Variants in NAALADL2 observed in about 807,000 individuals in gnomAD.
NAALADL2 encodes the protein N-acetylated alpha-linked acidic dipeptidase like 2.
In NAALADL2, 76 loss-of-function variants were observed where a neutral mutation model predicts 87.2. The observed-to-expected ratio is 0.87, with a 90% CI of 0.72 to 1.05. NAALADL2 has a LOEUF of 1.05. NAALADL2 is among the 50% of genes least tolerant of loss of function. The pLI is 0.00. For missense variants in NAALADL2, 1,089 were observed against 945.8 expected, an observed-to-expected ratio of 1.15 and a Z score of -1.99; for synonymous variants, 354 against 331.0, an observed-to-expected ratio of 1.07 and a Z score of -0.75.
intron 13 of NAALADL2, chr3:175,773,035 G>C (rs1012606126): frequency 7.9e-5 from 12 of 152,074 alleles, no homozygotes; most frequent in African/African-American, 2.9e-4. Flanking sequence ...CATGTATCCT[G>C]GTTAACAGGT....
chr3:175,192,153 C>T (rs750939995), intron 2 of NAALADL2, among the ~76,000 whole-genome samples: 27 of 152,004 alleles, frequency 1.8e-4, no homozygotes, highest in Non-Finnish European at 3.2e-4. Flanking sequence ...CTGGAGTGTT[C>T]CTGGAAATTG....
intron 3 of NAALADL2, among the ~76,000 whole-genome samples, chr3:174,753,226 A>G (rs892820805): frequency 2.0e-5 from 3 of 152,078 alleles, no homozygotes; most frequent in African/African-American, 7.2e-5. Context: ...GGCATGCGCC[A>G]CCATGCCTGG....
intron 3 of NAALADL2, among the ~76,000 whole-genome samples, chr3:174,844,835 GTTTTTTTTTTT>G (rs781333758): frequency 5.6e-5 from 2 of 35,458 alleles, no homozygotes; most frequent in Non-Finnish European, 5.1e-5. Context: ...AGTTCTAATG[GTTTTTTTTTTT>G]TTTTTTTTTT....
chr3:175,169,456 A>AATATAT (rs141242519), intron 2 of NAALADL2, among the ~76,000 whole-genome samples: 390 of 147,028 alleles, frequency 2.7e-3, no homozygotes, highest in African/African-American at 6.8e-3. Flanking sequence ...TAGTTGTAAG[A>AATATAT]ATATATATAT....
chr3:174,466,316 G>T (rs571116220), intron 1 of NAALADL2, among the ~76,000 whole-genome samples: 1 of 145,790 alleles, frequency 6.9e-6, no homozygotes, highest in East Asian at 2.2e-4. Flanking sequence ...CTTGATGCCA[G>T]TGTATTTTAT....
chr3:175,769,967 G>A (rs1415141982), intron 13 of NAALADL2, among the ~76,000 whole-genome samples: 2 of 140,278 alleles, frequency 1.4e-5, no homozygotes, highest in African/African-American at 6.0e-5. Flanking sequence ...TTTTTTTCTT[G>A]TTCAGGGTGC....
chr3:174,891,873 C>G (rs1730902854), intron 1 of NAALADL2, among the ~76,000 whole-genome samples: 1 of 151,972 alleles, frequency 6.6e-6, no homozygotes, highest in Non-Finnish European at 1.5e-5. Flanking sequence ...GACAGCACAG[C>G]TCAAAGCTGC....
intron 2 of NAALADL2, 28 bp downstream of exon 2, chr3:175,097,319 T>G (rs929311728): frequency 1.4e-5 from 22 of 1,578,520 alleles, no homozygotes; most frequent in Non-Finnish European, 1.7e-5. Context: ...AGATGTTGTT[T>G]GAATGCATTT....
At chr3:175,661,005 A>G (rs188393519) in intron 11 of NAALADL2, among the ~76,000 whole-genome samples, 2 of 152,212 alleles carry the variant, frequency 1.3e-5, no homozygotes, top group East Asian at 1.9e-4. Flanking sequence ...TCTTTGGTCT[A>G]TATACCCAGC....
At chr3:175,260,571 G>A (rs1043595314) in intron 4 of NAALADL2, among the ~76,000 whole-genome samples, 3 of 152,178 alleles carry the variant, frequency 2.0e-5, no homozygotes, top group African/African-American at 7.2e-5. Context: ...CAGAAATGAG[G>A]TAAAATGTAA....
intron 2 of NAALADL2, among the ~76,000 whole-genome samples, chr3:174,684,067 GT>G (rs1727808476): frequency 6.6e-6 from 1 of 151,766 alleles, no homozygotes. Context: ...ACTAAAAGAA[GT>G]TTGGCATTTC....
chr3:174,768,730 G>T (rs926100492), intron 3 of NAALADL2, among the ~76,000 whole-genome samples: 1 of 152,082 alleles, frequency 6.6e-6, no homozygotes, highest in Non-Finnish European at 1.5e-5. Flanking sequence ...GGTGAAAAGA[G>T]TTTTTAAATA....
At chr3:174,662,926 C>A (rs144508157) in intron 2 of NAALADL2, among the ~76,000 whole-genome samples, 4 of 152,120 alleles carry the variant, frequency 2.6e-5, no homozygotes, top group Non-Finnish European at 4.4e-5. Flanking sequence ...TGAAATCTTA[C>A]GTATTTTACA....
intron 2 of NAALADL2, among the ~76,000 whole-genome samples, chr3:175,145,474 C>T (rs1337277510): frequency 1.3e-5 from 2 of 152,068 alleles, no homozygotes; most frequent in Middle Eastern, 3.2e-3. Flanking sequence ...TTTCTATTGG[C>T]TTGACGAGCA....
chr3:175,000,000 C>G (rs937064557), intron 1 of NAALADL2, among the ~76,000 whole-genome samples: 5 of 151,962 alleles, frequency 3.3e-5, no homozygotes, highest in African/African-American at 1.2e-4. Flanking sequence ...TAGCTTTTAA[C>G]TAAGAAATCA....
chr3:175,214,999 C>A (rs1015222596), intron 2 of NAALADL2, among the ~76,000 whole-genome samples: 5 of 152,042 alleles, frequency 3.3e-5, no homozygotes, highest in African/African-American at 1.2e-4. Context: ...TTAAACTATA[C>A]GGACTAATTT....
intron 11 of NAALADL2, among the ~76,000 whole-genome samples, chr3:175,680,123 G>T (rs1350278684): frequency 6.6e-6 from 1 of 152,148 alleles, no homozygotes; most frequent in African/African-American, 2.4e-5. Flanking sequence ...AAATGTTACA[G>T]GTTCAGAGGT....
intron 10 of NAALADL2, among the ~76,000 whole-genome samples, chr3:175,605,864 C>T (rs1723664415): frequency 6.6e-6 from 1 of 152,058 alleles, no homozygotes; most frequent in Non-Finnish European, 1.5e-5. Flanking sequence ...ATCACTAGAG[C>T]ATATACTCAG....
intron 3 of NAALADL2, among the ~76,000 whole-genome samples, chr3:174,783,712 G>C (rs370460038): frequency 6.6e-6 from 1 of 152,062 alleles, no homozygotes; most frequent in African/African-American, 2.4e-5. Flanking sequence ...AGCATTTTCT[G>C]TCTGACTCTG....
Sources: gnomAD v4.1 joint callset for allele counts (sites outside exome capture counted in the v4.1 genomes callset) on GRCh38, gnomAD v4.1.1 for gene constraint, MANE v1.5 for transcripts, NCBI Gene and HGNC (gene_info 2026-07-23, HGNC 2026-07-21) for gene names.